CREB5: variants seen among roughly 807,000 people sequenced by gnomAD.
The protein encoded by CREB5 is cAMP responsive element binding protein 5, also known as cyclic AMP-responsive element-binding protein 5.
A neutral mutation model predicts 57.1 loss-of-function variants in CREB5; 19 were observed. That is an observed-to-expected ratio of 0.33 (90% CI 0.23 to 0.49). CREB5 has a LOEUF of 0.49. Ranked by LOEUF, CREB5 falls within the 20% of genes least tolerant of loss-of-function variation. The pLI is 0.99. For missense variants in CREB5, 579 were observed against 671.6 expected (o/e 0.86, Z 1.52); for synonymous variants, 238 against 238.3 (o/e 1.00, Z 0.01).
At chr7:28,606,902 C>T (rs538589118) in intron 5 of CREB5, among the ~76,000 whole-genome samples, 2 of 152,214 alleles carry the variant, frequency 1.3e-5, no homozygotes, top group African/African-American at 2.4e-5. Context: ...GTGTAGTGAT[C>T]GGAGAGGGGA....
chr7:28,713,203 C>A (rs1802495230), intron 5 of CREB5, among the ~76,000 whole-genome samples: 1 of 152,046 alleles, frequency 6.6e-6, no homozygotes, highest in African/African-American at 2.4e-5. Flanking sequence ...TGCCTGGCTA[C>A]TTTTTGTATT....
chr7:28,553,953 C>G (rs993453244), intron 4 of CREB5, among the ~76,000 whole-genome samples: 5 of 152,162 alleles, frequency 3.3e-5, no homozygotes, highest in Non-Finnish European at 7.4e-5. Flanking sequence ...TCCCTTCACT[C>G]CAGTTTCCAA....
At chr7:28,719,462 G>A (rs747780852) in intron 6 of CREB5, among the ~76,000 whole-genome samples, 9 of 152,182 alleles carry the variant, frequency 5.9e-5, no homozygotes, top group Non-Finnish European at 1.0e-4. Flanking sequence ...AGGAAAGAAA[G>A]GCAAGTAACT....
chr7:28,363,010 A>G (rs1311071120), intron 1 of CREB5, among the ~76,000 whole-genome samples: 4 of 152,172 alleles, frequency 2.6e-5, no homozygotes, highest in African/African-American at 4.8e-5. Flanking sequence ...TAGGGGGAGA[A>G]AGCATTTTCT....
intron 1 of CREB5, among the ~76,000 whole-genome samples, chr7:28,332,187 T>C (rs6462076): frequency 0.8 from 120,988 of 151,524 alleles, 48,464 homozygotes; most frequent in African/African-American, 0.84. Context: ...CAGCAGAAGT[T>C]AATAGCCACC....
rs75289067 is a variant in CREB5 at position 28,594,752 on chromosome 7, T to C, written c.464+24215T>C. On this transcript the variant is annotated intron_variant, in intron 5 of 10. Coordinates refer to ENST00000357727, the MANE Select transcript of CREB5 (RefSeq NM_182898.4). ...CTAATGAATAGTTTTCATATTAGAC[T>C]CTGTAGTAGCATCTGCTTTCAGAGA... 6.2e-3 allele frequency among the ~76,000 whole-genome samples: 949 copies of C among 152,302 alleles called. 7 individuals are homozygous for C. The highest frequency in any genetic ancestry group is 0.012 in the Admixed American group (182 of 15,294).
intron 1 of CREB5, among the ~76,000 whole-genome samples, chr7:28,378,712 A>C (rs1786898081): frequency 6.6e-6 from 1 of 152,216 alleles, no homozygotes; most frequent in Non-Finnish European, 1.5e-5. Flanking sequence ...CATAGATAGC[A>C]CTTGGGAGTC....
intron 9 of CREB5, among the ~76,000 whole-genome samples, chr7:28,813,766 C>T (rs148258126): frequency 2.0e-5 from 3 of 152,030 alleles, no homozygotes; most frequent in Admixed American, 6.6e-5. Context: ...ATCTCTGTGG[C>T]GTGCTGCTTC....
intron 7 of CREB5, among the ~76,000 whole-genome samples, chr7:28,781,394 T>C (rs1252102764): frequency 3.3e-5 from 5 of 152,192 alleles, no homozygotes; most frequent in Non-Finnish European, 7.4e-5. Flanking sequence ...TGTGTGGTCT[T>C]AAGGAATCTA....
chr7:28,335,787 G>A (rs568857599), intron 1 of CREB5, among the ~76,000 whole-genome samples: 10 of 152,124 alleles, frequency 6.6e-5, no homozygotes, highest in Non-Finnish European at 1.0e-4. Context: ...TCTAGATCTT[G>A]GATGAAAGGC....
intron 4 of CREB5, among the ~76,000 whole-genome samples, chr7:28,549,111 T>C (rs999215224): frequency 6.6e-6 from 1 of 152,208 alleles, no homozygotes; most frequent in Non-Finnish European, 1.5e-5. Context: ...TAGAATCGAA[T>C]TGGACACCAC....
intron 1 of CREB5, among the ~76,000 whole-genome samples, chr7:28,430,567 A>G (rs1205415846): frequency 6.6e-6 from 1 of 152,226 alleles, no homozygotes; most frequent in Non-Finnish European, 1.5e-5. Context: ...CTATTTGGGA[A>G]TAAATACTGG....
At chr7:28,678,386 CA>C (rs1228637434) in intron 5 of CREB5, among the ~76,000 whole-genome samples, 1 of 149,316 alleles carries the variant, frequency 6.7e-6, no homozygotes, top group East Asian at 2.0e-4. Context: ...AGACTCTGCT[CA>C]AAAAAAATAA....
intron 5 of CREB5, among the ~76,000 whole-genome samples, chr7:28,696,132 CA>C (rs1295766103): frequency 6.6e-6 from 1 of 152,228 alleles, no homozygotes; most frequent in Non-Finnish European, 1.5e-5. Context: ...AGTCATTACC[CA>C]GGTGCCGTAC....
At chr7:28,432,427 G>A (rs754264332) in intron 1 of CREB5, among the ~76,000 whole-genome samples, 4 of 152,264 alleles carry the variant, frequency 2.6e-5, no homozygotes, top group South Asian at 2.1e-4. Flanking sequence ...TTTGCAAGCC[G>A]GCAGGCACAC....
intron 1 of CREB5, among the ~76,000 whole-genome samples, chr7:28,340,307 G>A (rs532354227): frequency 7.2e-5 from 11 of 152,312 alleles, no homozygotes; most frequent in African/African-American, 2.6e-4. Flanking sequence ...GTACTGCCTG[G>A]GTACTGATGC....
At chr7:28,605,985 T>C (rs1307781259) in intron 5 of CREB5, among the ~76,000 whole-genome samples, 1 of 152,228 alleles carries the variant, frequency 6.6e-6, no homozygotes, top group African/African-American at 2.4e-5. Context: ...ACTCAACGAC[T>C]GAACACTTGA....
chr7:28,410,091 G>C, upstream of CREB5: 2 of 397,648 alleles, frequency 5.0e-6, no homozygotes, highest in South Asian at 1.9e-5. Flanking sequence ...CAGGGGGCTC[G>C]CTCTCCCCGG....
chr7:28,564,355 C>A (rs1308636830), intron 4 of CREB5, among the ~76,000 whole-genome samples: 2 of 152,212 alleles, frequency 1.3e-5, no homozygotes, highest in Admixed American at 6.5e-5. Context: ...TATGCTCCAA[C>A]CTTCACTTTC....
Sources: gnomAD v4.1 joint callset for allele counts (sites outside exome capture counted in the v4.1 genomes callset) on GRCh38, gnomAD v4.1.1 for gene constraint, MANE v1.5 for transcripts, NCBI Gene and HGNC (gene_info 2026-07-23, HGNC 2026-07-21) for gene names.